Variants in MARCHF1 observed in about 807,000 individuals in gnomAD.
MARCHF1 encodes E3 ubiquitin-protein ligase MARCHF1.
A neutral mutation model predicts 54.2 loss-of-function variants in MARCHF1; 40 were observed. That is an observed-to-expected ratio of 0.74 (90% CI 0.57 to 0.96). The LOEUF is 0.96. Ranked by LOEUF, MARCHF1 falls within the 40% of genes least tolerant of loss-of-function variation. The pLI is 0.00. For missense variants in MARCHF1, 586 were observed against 656.5 expected, an observed-to-expected ratio of 0.89 and a Z score of 1.17; for synonymous variants, 236 against 236.3, an observed-to-expected ratio of 1.00 and a Z score of 0.01.
intron 1 of MARCHF1, among the ~76,000 whole-genome samples, chr4:164,229,537 A>G (rs990220600): frequency 6.6e-6 from 1 of 152,236 alleles, no homozygotes; most frequent in East Asian, 1.9e-4. Flanking sequence ...GCTGGAGTGC[A>G]GTGACACAAT....
intron 2 of MARCHF1, among the ~76,000 whole-genome samples, chr4:164,080,816 T>C (rs538657943): frequency 6.6e-6 from 1 of 152,066 alleles, no homozygotes; most frequent in African/African-American, 2.4e-5. Context: ...TCAAGTTACT[T>C]TCAGGGGGAA....
intron 1 of MARCHF1, among the ~76,000 whole-genome samples, chr4:164,137,659 G>A (rs993870963): frequency 3.9e-5 from 6 of 151,968 alleles, no homozygotes; most frequent in African/African-American, 1.4e-4. Context: ...ATATAAAAAA[G>A]AAACACATTA....
chr4:163,791,338 T>C (rs1454141429), intron 4 of MARCHF1, among the ~76,000 whole-genome samples: 1 of 152,162 alleles, frequency 6.6e-6, no homozygotes, highest in African/African-American at 2.4e-5. Context: ...CATATAGTAT[T>C]ACTAAAATCT....
chr4:164,279,447 AT>A (rs1467038212), intron 1 of MARCHF1, among the ~76,000 whole-genome samples: 1 of 151,580 alleles, frequency 6.6e-6, no homozygotes, highest in African/African-American at 2.4e-5. Flanking sequence ...TTGCCTACAT[AT>A]ATGACATTTT....
chr4:164,097,824 G>A (rs909622996), intron 2 of MARCHF1, among the ~76,000 whole-genome samples: 1 of 152,144 alleles, frequency 6.6e-6, no homozygotes, highest in African/African-American at 2.4e-5. Flanking sequence ...AACAAGTGAA[G>A]CAACATCCAT....
chr4:163,528,861 A>G lies in MARCHF1; in HGVS notation c.1525T>C (p.Ser509Pro). 3 of 1,613,344 alleles carry G rather than the reference A, an allele frequency of 1.9e-6. No homozygotes were observed. Among genetic ancestry groups the G allele is most frequent in the Non-Finnish European group, 2.5e-6 (3 of 1,179,552 alleles). The change falls in exon 10 of 10, where the codon TCA (serine) becomes CCA (proline). Residue 509 changes from serine (S) to proline (P), a missense_variant. Physicochemically the swap from Ser to Pro is moderately conservative, Grantham distance 74. This residue lies in a region of MARCHF1 where 106 missense variants were observed against 93.8 expected (regional missense o/e 1.13). Transcript: ENST00000514618. Reference sequence around the variant, plus strand: ...TTGATGTCTGTGTTTACATTACATGAGAAGTTCTTCTCCAGTTTTTTGGCA... The same window carrying G: ...TTGATGTCTGTGTTTACATTACATGGGAAGTTCTTCTCCAGTTTTTTGGCA... ...DTAKKLEKNF[S>P]CNVNTDIKDA...
At chr4:163,733,349 G>A (rs1409211969) in intron 4 of MARCHF1, among the ~76,000 whole-genome samples, 2 of 137,044 alleles carry the variant, frequency 1.5e-5, no homozygotes, top group Non-Finnish European at 3.1e-5. Flanking sequence ...AAAATAATGC[G>A]AGATGGAAAT....
rs562193330 is a variant in MARCHF1 at position 163,906,489 on chromosome 4, T to G, written c.-38-52320A>C. Among the ~76,000 whole-genome samples, 24 of 152,070 alleles carry G rather than the reference T, an allele frequency of 1.6e-4. 2 individuals carry two copies. In the Middle Eastern group the frequency reaches 0.014, roughly 86 times the overall value. ...ATTTTTTTTTCAAATACAAAATTTTTTATTTAAATTTCTGACTTACAAAAA... is the reference window on the plus strand; with the variant it reads ...ATTTTTTTTTCAAATACAAAATTTTGTATTTAAATTTCTGACTTACAAAAA... On this transcript the variant is annotated intron_variant, in intron 3 of 9. Transcript: ENST00000514618.
chr4:163,802,285 C>G (rs1748103357), intron 4 of MARCHF1, among the ~76,000 whole-genome samples: 1 of 151,958 alleles, frequency 6.6e-6, no homozygotes, highest in African/African-American at 2.4e-5. Flanking sequence ...CCCACTAAAC[C>G]AAAAAGGTGG....
intron 4 of MARCHF1, among the ~76,000 whole-genome samples, chr4:163,846,544 GT>G (rs927949248): frequency 1.3e-5 from 2 of 152,024 alleles, no homozygotes; most frequent in African/African-American, 4.8e-5. Flanking sequence ...TGGTTTCTTT[GT>G]AAGGACAAAT....
intron 3 of MARCHF1, among the ~76,000 whole-genome samples, chr4:163,944,519 G>C (rs1429934111): frequency 6.6e-6 from 1 of 152,094 alleles, no homozygotes; most frequent in Non-Finnish European, 1.5e-5. Context: ...ATTCTTCCTT[G>C]AGCTTCCTTC....
intron 3 of MARCHF1, among the ~76,000 whole-genome samples, chr4:163,910,151 T>C (rs1303182921): frequency 6.6e-6 from 1 of 152,198 alleles, no homozygotes; most frequent in Non-Finnish European, 1.5e-5. Flanking sequence ...CATTAGTTTA[T>C]ATCTGAGTTA....
intron 4 of MARCHF1, among the ~76,000 whole-genome samples, chr4:163,712,584 C>G (rs1459131852): frequency 1.3e-5 from 2 of 152,144 alleles, no homozygotes; most frequent in Non-Finnish European, 2.9e-5. Flanking sequence ...GCGTCTTACT[C>G]CATTATTCAA....
intron 3 of MARCHF1, among the ~76,000 whole-genome samples, chr4:163,857,609 A>G (rs1749804657): frequency 6.6e-6 from 1 of 152,202 alleles, no homozygotes; most frequent in Admixed American, 6.5e-5. Flanking sequence ...AGATTTAACT[A>G]AGCTTAATTT....
intron 3 of MARCHF1, chr4:163,932,537 G>A (rs911465553): frequency 5.6e-6 from 2 of 354,816 alleles, no homozygotes; most frequent in Non-Finnish European, 1.1e-5. Context: ...TAGAGAAAAT[G>A]GAGCTGATCC....
At chr4:163,935,485 A>G (rs1315669743) in intron 3 of MARCHF1, among the ~76,000 whole-genome samples, 1 of 152,178 alleles carries the variant, frequency 6.6e-6, no homozygotes, top group African/African-American at 2.4e-5. Context: ...TATGTTATGG[A>G]AATGGCTTCT....
At chr4:163,969,578 A>G (rs980632383) in intron 3 of MARCHF1, among the ~76,000 whole-genome samples, 2 of 152,206 alleles carry the variant, frequency 1.3e-5, no homozygotes, top group African/African-American at 4.8e-5. Context: ...CGGTATGTTC[A>G]TCCTTCCATT....
chr4:164,309,439 A>T (rs1317654985), intron 1 of MARCHF1, among the ~76,000 whole-genome samples: 3 of 152,194 alleles, frequency 2.0e-5, no homozygotes, highest in East Asian at 1.9e-4. Flanking sequence ...AAGACCACAG[A>T]TGGAATATTG....
chr4:163,896,549 C>G (rs1219186380), intron 3 of MARCHF1, among the ~76,000 whole-genome samples: 3 of 152,158 alleles, frequency 2.0e-5, no homozygotes, highest in Non-Finnish European at 4.4e-5. Flanking sequence ...AATTGTCCCT[C>G]TACGACACTT....
Sources: gnomAD v4.1 joint callset for allele counts (sites outside exome capture counted in the v4.1 genomes callset) on GRCh38, gnomAD v4.1.1 for gene constraint, gnomAD v4.1.1 regional missense constraint, MANE v1.5 for transcripts, NCBI Gene and HGNC (gene_info 2026-07-23, HGNC 2026-07-21) for gene names.